Variants in ATP5F1B observed in about 807,000 individuals in gnomAD.
ATP5F1B encodes the protein ATP synthase F(1) complex subunit beta, mitochondrial.
In ATP5F1B, 17 loss-of-function variants were observed where a neutral mutation model predicts 45.9. That is an observed-to-expected ratio of 0.37 (90% CI 0.25 to 0.56). The LOEUF is 0.56. Ranked by LOEUF, ATP5F1B falls within the 20% of genes least tolerant of loss-of-function variation. The pLI is 0.80. For synonymous variants in ATP5F1B, 218 were observed against 256.5 expected, an observed-to-expected ratio of 0.85 and a Z score of 1.43; for missense variants, 387 against 673.2, an observed-to-expected ratio of 0.57 and a Z score of 4.70.
At position 56,644,845 on chromosome 12, in the gene ATP5F1B, A is replaced by G; in HGVS notation, c.421T>C (p.Leu141=). The G allele has an allele frequency of 6.2e-7, 1 of 1,614,198 alleles. No homozygotes were observed. The highest frequency in any genetic ancestry group is 8.5e-7 in the Non-Finnish European group (1 of 1,180,036). ...CCAATGACATTCATGATTCTGCCCAAAGTCTCAGGACCAACAGGAATTTTG... is the reference window on the plus strand; with the variant it reads ...CCAATGACATTCATGATTCTGCCCAGAGTCTCAGGACCAACAGGAATTTTG... ...PIKIPVGPET[L]GRIMNVIGEP... The change falls in exon 3 of 10, where the codon TTG becomes CTG. Residue 141 remains leucine, a synonymous_variant. Transcript: ENST00000262030.
At chr12:56,641,817 C>G (rs1193590218) in intron 7 of ATP5F1B, among the ~76,000 whole-genome samples, 8 of 151,412 alleles carry the variant, frequency 5.3e-5, no homozygotes, top group African/African-American at 1.9e-4. Flanking sequence ...TCCCAAAGTG[C>G]TGGGATTACA....
chr12:56,640,231 ATT>A (rs201281818), intron 7 of ATP5F1B, 39 bp from the exon 8 acceptor site: 5,377 of 1,352,990 alleles, frequency 4.0e-3, no homozygotes, highest in East Asian at 7.6e-3. Context: ...ACCAAAGTAA[ATT>A]TTTTTTTTTT....
chr12:56,641,205 A>G (rs1951509551), intron 7 of ATP5F1B, among the ~76,000 whole-genome samples: 2 of 151,956 alleles, frequency 1.3e-5, no homozygotes, highest in Admixed American at 6.6e-5. Flanking sequence ...TCTCTACTAA[A>G]AATACAAAAA....
At chr12:56,645,753 C>T in intron 1 of ATP5F1B, 84 bp downstream of exon 1, 1 of 1,559,170 alleles carries the variant, frequency 6.4e-7, no homozygotes. Context: ...CCACGGATCC[C>T]TTAGGCCCGA....
chr12:56,639,154 G>A lies in ATP5F1B; in HGVS notation c.1441C>T (p.Leu481=). The A allele has an allele frequency of 6.2e-7, 1 of 1,613,836 alleles. No homozygotes were observed. Among genetic ancestry groups the A allele is most frequent in the South Asian group, 1.1e-5 (1 of 91,070 alleles). The part of the protein sequence containing the change: ...AEVFTGHMGK[L]VPLKETIKGF... ...TTGATGGTCTCCTTCAGGGGTACCA[G>A]CTTCCCCATATGACCTGTGAAGACC... Residue 481 remains leucine (L), a synonymous_variant, in exon 9 of 10, where the codon CTG becomes TTG. Transcript: ENST00000262030.
At chr12:56,642,344 G>A (rs1339794560) in intron 7 of ATP5F1B, 114 bp downstream of exon 7, 11 of 1,447,068 alleles carry the variant, frequency 7.6e-6, no homozygotes, top group Non-Finnish European at 9.4e-6. Context: ...TGTTCCCCAG[G>A]CTGATCTCTT....
intron 7 of ATP5F1B, among the ~76,000 whole-genome samples, chr12:56,640,857 C>CGG (rs1247603773): frequency 7.8e-6 from 1 of 127,686 alleles, no homozygotes; most frequent in Non-Finnish European, 1.6e-5. Context: ...CCAGTAGAGA[C>CGG]GGGGGTCTCT....
In ATP5F1B at chr12:56,638,212, C is replaced by A; in HGVS notation, c.*111G>T. 1.1e-6 allele frequency: 1 copy of A among 923,126 alleles called. No individual in the cohort carries two copies. Among genetic ancestry groups the A allele is most frequent in the South Asian group, 1.5e-5 (1 of 64,784 alleles). 57.2% of individuals were successfully genotyped at this position (923,126 alleles called of 1,614,324 possible). A position where few individuals can be genotyped will look rare whatever the true frequency, so the allele number is the denominator to read the frequency against. On this transcript the variant is annotated 3_prime_UTR_variant, in exon 10 of 10. Transcript: ENST00000262030. The stretch of plus-strand genomic sequence containing the variant: ...TACATTTTATTGGAAACCTTAAATA[C>A]TGTTCAGAAAGAATATATCTTCAAT...
At chr12:56,643,149 C>T in intron 5 of ATP5F1B, 1 of 487,904 alleles carries the variant, frequency 2.0e-6, no homozygotes, top group Non-Finnish European at 3.5e-6. Context: ...ATGGGACTAT[C>T]TACCAAAAAG....
In ATP5F1B at chr12:56,640,120, T is replaced by C. The variant is rs1358090472; in HGVS notation, c.1147A>G (p.Thr383Ala). Residue 383 changes from threonine to alanine, a missense_variant, in exon 8 of 10, where the codon ACT (threonine) becomes GCT (alanine). Around this residue, in one of 6 missense-constraint regions of ATP5F1B, gnomAD observed 154 missense variants for 361.4 expected, o/e 0.43. Transcript: ENST00000262030. ...TCAGCAATGGCACGCGACAGTACAG[T>C]GGTAGCATCCAAATGGGCAAACGTA... ...ATTFAHLDAT[T>A]VLSRAIAELG... 6.2e-7 allele frequency: 1 copy of C among 1,614,000 alleles called. No individual in the cohort carries two copies. Among genetic ancestry groups the C allele is most frequent in the South Asian group, 1.1e-5 (1 of 91,074 alleles).
intron 7 of ATP5F1B, among the ~76,000 whole-genome samples, chr12:56,641,253 T>G (rs1160405370): frequency 6.7e-6 from 1 of 150,210 alleles, no homozygotes; most frequent in South Asian, 2.1e-4. Context: ...TAATCCCAGC[T>G]ACTCAGGAGG....
In ATP5F1B at chr12:56,642,353, T is replaced by C. The variant is rs1014415079; in HGVS notation, c.1074+105A>G. 1.5e-5 allele frequency: 23 copies of C among 1,502,030 alleles called. No individual in the cohort carries two copies. In the East Asian group the frequency reaches 2.5e-4, roughly 17 times the overall value. The allele number at this position is 1,502,030 out of a possible 1,614,324, so 93.0% of individuals were successfully genotyped here. A position where few individuals can be genotyped will look rare whatever the true frequency, so the allele number is the denominator to read the frequency against. ...CAGCTTTGTTCCCCAGGCTGATCTCTTGGGCTCAAGCAATCTTCCTGCCTC... is the reference window on the plus strand; with the variant it reads ...CAGCTTTGTTCCCCAGGCTGATCTCCTGGGCTCAAGCAATCTTCCTGCCTC... On this transcript the variant is annotated intron_variant, in intron 7 of 9. Coordinates refer to ENST00000262030, the MANE Select transcript of ATP5F1B (RefSeq NM_001686.4).
At position 56,640,012 on chromosome 12, in the gene ATP5F1B, C is replaced by T. The variant is rs777770019; in HGVS notation, c.1255G>A (p.Asp419Asn). The T allele has an allele frequency of 1.2e-5, 19 of 1,613,882 alleles. No homozygotes were observed. The highest frequency in any genetic ancestry group is 6.6e-5 in the South Asian group (6 of 91,084). The change falls in exon 8 of 10, where the codon GAT becomes AAT. Residue 419 changes from aspartate (D) to asparagine (N), a missense_variant. Asp to Asn is a conservative substitution (Grantham distance 23). Transcript: ENST00000262030. Reference sequence around the variant, plus strand: ...ATCTTTTGCACCCCACGGGCAACATCGTAATGCTCACTGCCAACAATGTTG... The same window carrying T: ...ATCTTTTGCACCCCACGGGCAACATTGTAATGCTCACTGCCAACAATGTTG... ...DPNIVGSEHY[D>N]VARGVQKILQ...
chr12:56,640,208 A>G lies in ATP5F1B; in HGVS notation c.1075-16T>C. ...CATAGATAGCCTAAAGTGAGATCCC[A>G]TGAAGAACAGGAACCAAAGTAAATT... On this transcript the variant is annotated splice_polypyrimidine_tract_variant and intron_variant, in intron 7 of 9. Transcript: ENST00000262030. 6.2e-7 allele frequency: 1 copy of G among 1,607,098 alleles called. No individual in the cohort carries two copies. The highest frequency in any genetic ancestry group is 8.5e-7 in the Non-Finnish European group (1 of 1,175,784).
chr12:56,644,955 C>T lies in ATP5F1B; in HGVS notation c.311G>A (p.Gly104Asp). The T allele has an allele frequency of 6.2e-7, 1 of 1,614,080 alleles. No individual in the cohort carries two copies. The highest frequency in any genetic ancestry group is 1.1e-5 in the South Asian group (1 of 91,084). The change falls in exon 3 of 10, where the codon GGT (glycine) becomes GAT (aspartate). Residue 104 changes from glycine to aspartate, a missense_variant and splice_region_variant. Transcript: ENST00000262030. ...RLVLEVAQHL[G>D]ESTVRTIAMD... ...AGCAATAGTCCTTACTGTGCTCTCA[C>T]CTGTTAGATACAGGCATCGCAGGGT... is the stretch of plus-strand genomic sequence containing the variant.
intron 9 of ATP5F1B, 146 bp from the exon 10 acceptor site, chr12:56,638,569 A>G: frequency 1.5e-6 from 1 of 688,002 alleles, no homozygotes; most frequent in African/African-American, 1.8e-5. Flanking sequence ...TTCCCTCACA[A>G]ATCAAATTTA....
intron 9 of ATP5F1B, 31 bp downstream of exon 9, chr12:56,639,075 A>C (rs1046598344): frequency 1.2e-6 from 2 of 1,602,530 alleles, no homozygotes; most frequent in Non-Finnish European, 1.7e-6. Context: ...ACAGCACAGT[A>C]AACATTCAAG....
chr12:56,642,526 C>T lies in ATP5F1B; in HGVS notation c.1006G>A (p.Ala336Thr). 1.2e-6 allele frequency: 2 copies of T among 1,614,094 alleles called. No homozygotes were observed. The highest frequency in any genetic ancestry group is 1.7e-6 in the Non-Finnish European group (2 of 1,180,026). The change falls in exon 7 of 10, where the codon GCC (alanine) becomes ACC (threonine). Residue 336 changes from alanine to threonine, a missense_variant. Ala to Thr is a moderately conservative substitution (Grantham distance 58). Coordinates refer to ENST00000262030, the MANE Select transcript of ATP5F1B (RefSeq NM_001686.4). ...PSAVGYQPTL[A>T]TDMGTMQERI... ...TCCTGCATAGTACCCATGTCAGTGG[C>T]CAGGGTAGGCTGATAGCCCACAGCA...
intron 5 of ATP5F1B, 176 bp from the exon 6 acceptor site, chr12:56,643,007 A>C: frequency 1.5e-6 from 1 of 687,044 alleles, no homozygotes; most frequent in Non-Finnish European, 2.3e-6. Flanking sequence ...ACAGCTTCTT[A>C]TATTAGTAAG....
Sources: allele counts gnomAD v4.1 joint callset (sites outside exome capture counted in the v4.1 genomes callset), GRCh38; gene constraint gnomAD v4.1.1; regional missense constraint gnomAD v4.1.1; transcripts MANE v1.5; gene names NCBI Gene and HGNC (gene_info 2026-07-23, HGNC 2026-07-21).